NPHP1: variants seen among roughly 807,000 people sequenced by gnomAD.
NPHP1 encodes nephrocystin 1.
Under a neutral mutation model 90.4 loss-of-function variants are expected in NPHP1, and 70 were observed. The observed-to-expected ratio is 0.77, with a 90% CI of 0.64 to 0.95. The LOEUF is 0.95. Among genes scored for constraint, NPHP1 ranks in the 40% least tolerant of loss-of-function variants. The pLI, the probability that NPHP1 is intolerant of heterozygous loss-of-function variation, is 0.00. For missense variants in NPHP1, 764 were observed against 795.9 expected, an observed-to-expected ratio of 0.96 and a Z score of 0.48; for synonymous variants, 256 against 271.7, an observed-to-expected ratio of 0.94 and a Z score of 0.57.
rs146797626 is a variant in NPHP1 at position 110,184,055 on chromosome 2, C to T, written c.144-4371G>A. ...CCTTCCCCAGGAGAGATTCCTCTGC[C>T]GTGGAGTCTTACGATACAATCACCA... On this transcript the variant is annotated intron_variant, in intron 2 of 19. Transcript: ENST00000445609. The T allele has an allele frequency of 1.1e-3, 540 of 508,224 alleles. 3 individuals carry two copies. Among genetic ancestry groups the T allele is most frequent in the African/African-American group, 8.9e-3 (461 of 51,912 alleles). 31.5% of individuals were successfully genotyped at this position (508,224 alleles called of 1,614,324 possible).
rs955790527 is a variant in NPHP1 at position 110,129,809 on chromosome 2, G to C, written c.1643-550C>G. Among the ~76,000 whole-genome samples the C allele has an allele frequency of 1.1e-4, 16 of 152,156 alleles. No homozygotes were observed. In the East Asian group the frequency reaches 3.1e-3, roughly 29 times the overall value. Reference sequence around the variant, plus strand: ...GGCCATATGACCAAACACAGTGAGGGAGAATATTGACATTTCACAATAGAT... The same window carrying C: ...GGCCATATGACCAAACACAGTGAGGCAGAATATTGACATTTCACAATAGAT... On this transcript the variant is annotated intron_variant, in intron 17 of 19. Transcript: ENST00000445609.
At position 110,123,739 on chromosome 2, in the gene NPHP1, G is replaced by A. The variant is rs1379350110; in HGVS notation, c.*52C>T. The A allele has an allele frequency of 5.1e-6, 8 of 1,582,274 alleles. No individual in the cohort carries two copies. Among genetic ancestry groups the A allele is most frequent in the South Asian group, 1.1e-5 (1 of 90,328 alleles). On this transcript the variant is annotated 3_prime_UTR_variant, in exon 20 of 20. Coordinates refer to ENST00000445609, the MANE Select transcript of NPHP1 (RefSeq NM_001128178.3). ...GTTCCATCATTTTATTCACGTAATC[G>A]TGGAGGATCCATCTGATTCCGTGGG...
intron 4 of NPHP1, among the ~76,000 whole-genome samples, chr2:110,176,728 C>T (rs910084814): frequency 2.0e-5 from 3 of 152,256 alleles, no homozygotes; most frequent in Non-Finnish European, 4.4e-5. Flanking sequence ...TTTCTTTACT[C>T]CTAGGGCCTG....
intron 2 of NPHP1, among the ~76,000 whole-genome samples, chr2:110,194,262 A>G (rs1218433178): frequency 1.3e-5 from 2 of 152,080 alleles, no homozygotes; most frequent in African/African-American, 4.8e-5. Flanking sequence ...ACCGCTAGCA[A>G]GACTAATAAA....
chr2:110,123,883 C>T lies in NPHP1; in HGVS notation c.1942G>A (p.Ala648Thr). The T allele has an allele frequency of 1.2e-6, 2 of 1,614,096 alleles. No homozygotes were observed. Among genetic ancestry groups the T allele is most frequent in the South Asian group, 1.1e-5 (1 of 91,082 alleles). Reference sequence around the variant, plus strand: ...TGAACTCCGTCTGGTGACAGCAGAGCTTGGAGGGCGCCCTGGTTTTCTTGG... The same window carrying T: ...TGAACTCCGTCTGGTGACAGCAGAGTTTGGAGGGCGCCCTGGTTTTCTTGG... ...QNQENQGALQ[A>T]LLSPDGVHEP... The change falls in exon 20 of 20, where the codon GCT (alanine) becomes ACT (threonine). Residue 648 changes from alanine to threonine, a missense_variant. Coordinates refer to ENST00000445609, the MANE Select transcript of NPHP1 (RefSeq NM_001128178.3).
intron 5 of NPHP1, 23 bp downstream of exon 5, chr2:110,169,783 G>C (rs2104577720): frequency 6.5e-7 from 1 of 1,545,540 alleles, no homozygotes; most frequent in South Asian, 1.1e-5. Flanking sequence ...CCTTAGGTTA[G>C]GTTTCAGTCT....
At chr2:110,147,747 G>A (rs1233581121) in intron 13 of NPHP1, among the ~76,000 whole-genome samples, 169 bp downstream of exon 13, 3 of 152,038 alleles carry the variant, frequency 2.0e-5, no homozygotes, top group Non-Finnish European at 2.9e-5. Context: ...TAAATGCTAC[G>A]AAAACAAATC....
intron 4 of NPHP1, among the ~76,000 whole-genome samples, chr2:110,170,201 A>G (rs938586924): frequency 1.3e-5 from 2 of 152,190 alleles, no homozygotes; most frequent in East Asian, 3.8e-4. Flanking sequence ...GAGCTGAGTC[A>G]TGTATGTGAG....
At chr2:110,129,574 T>A (rs371359847) in intron 17 of NPHP1, among the ~76,000 whole-genome samples, 1 of 152,192 alleles carries the variant, frequency 6.6e-6, no homozygotes, top group Non-Finnish European at 1.5e-5. Context: ...CTTATGGCTG[T>A]GGCATGGTAA....
Position 110,143,612 on chromosome 2 carries a change from T to C in NPHP1, c.1459A>G (p.Thr487Ala). 1 of 1,613,602 alleles carries C rather than the reference T, an allele frequency of 6.2e-7. No homozygotes were observed. The highest frequency in any genetic ancestry group is 1.1e-5 in the South Asian group (1 of 91,070). ...AHGSVFYQIM[T>A]MRRQPQLLVK... Reference sequence around the variant, plus strand: ...AGAAGTTGAGGCTGCCTTCTCATTGTCATAATCTGGTAGAAAACACTGCCG... The same window carrying C: ...AGAAGTTGAGGCTGCCTTCTCATTGCCATAATCTGGTAGAAAACACTGCCG... Residue 487 changes from threonine (T) to alanine (A), a missense_variant, in exon 16 of 20, where the codon ACA becomes GCA. Thr to Ala is a moderately conservative substitution (Grantham distance 58). Transcript: ENST00000445609.
At chr2:110,148,482 C>T (rs530435357) in intron 12 of NPHP1, among the ~76,000 whole-genome samples, 1 of 152,252 alleles carries the variant, frequency 6.6e-6, no homozygotes, top group South Asian at 2.1e-4. Flanking sequence ...AACGGCCTCA[C>T]ACAGGGTTTC....
intron 17 of NPHP1, among the ~76,000 whole-genome samples, chr2:110,129,935 A>C (rs1359571123): frequency 6.6e-6 from 1 of 152,202 alleles, no homozygotes; most frequent in Non-Finnish European, 1.5e-5. Flanking sequence ...GGTAACATAA[A>C]CAAAATAAAA....
Position 110,134,728 on chromosome 2 carries a change from G to A in NPHP1, c.1530-2937C>T, listed in dbSNP as rs192322452. On this transcript the variant is annotated intron_variant, in intron 16 of 19. Coordinates refer to ENST00000445609, the MANE Select transcript of NPHP1 (RefSeq NM_001128178.3). ...TGTGCTACATTAACAGAATTAAGGG[G>A]AAAAACCCACATTATTTTCTCAATT... 4.2e-4 allele frequency among the ~76,000 whole-genome samples: 64 copies of A among 151,948 alleles called. 1 individual carries two copies. In the East Asian group the frequency reaches 0.012, roughly 28 times the overall value.
chr2:110,191,752 C>T (rs1353241456), intron 2 of NPHP1, among the ~76,000 whole-genome samples: 2 of 152,254 alleles, frequency 1.3e-5, no homozygotes, highest in African/African-American at 2.4e-5. Flanking sequence ...CTGGGAGGCA[C>T]CCCCCAGTAG....
At chr2:110,126,773 AC>A (rs1334090223) in intron 18 of NPHP1, 1 of 152,646 alleles carries the variant, frequency 6.6e-6, no homozygotes, top group Non-Finnish European at 1.5e-5. Flanking sequence ...TTTTGCTACT[AC>A]TTTTATGGCA....
chr2:110,186,311 T>C (rs536897832), intron 2 of NPHP1, among the ~76,000 whole-genome samples: 1 of 152,338 alleles, frequency 6.6e-6, no homozygotes, highest in South Asian at 2.1e-4. Context: ...GGAGAGCCAG[T>C]GTCCTTAGGA....
intron 16 of NPHP1, among the ~76,000 whole-genome samples, chr2:110,142,481 T>C (rs1173998267): frequency 6.6e-6 from 1 of 151,710 alleles, no homozygotes; most frequent in African/African-American, 2.4e-5. Context: ...GCCTCCCAAG[T>C]AGCTGGGACT....
intron 4 of NPHP1, among the ~76,000 whole-genome samples, chr2:110,171,723 A>T (rs1683139633): frequency 6.6e-6 from 1 of 152,118 alleles, no homozygotes; most frequent in Non-Finnish European, 1.5e-5. Flanking sequence ...AATTTCAATG[A>T]TTGATTTTTT....
chr2:110,182,301 C>G (rs1559092893), intron 2 of NPHP1, among the ~76,000 whole-genome samples: 1 of 151,742 alleles, frequency 6.6e-6, no homozygotes. Context: ...GTAAGGTACT[C>G]CATGAGAAGA....
Sources: allele counts gnomAD v4.1 joint callset (sites outside exome capture counted in the v4.1 genomes callset), GRCh38; gene constraint gnomAD v4.1.1; transcripts MANE v1.5; gene names NCBI Gene and HGNC (gene_info 2026-07-23, HGNC 2026-07-21).